Variants in CCDC138 observed in about 807,000 individuals in gnomAD.
CCDC138 encodes coiled-coil domain-containing protein 138.
Under a neutral mutation model 82.3 loss-of-function variants are expected in CCDC138, and 66 were observed. The observed-to-expected ratio is 0.80, with a 90% CI of 0.66 to 0.98. CCDC138 has a LOEUF of 0.98. Ranked by LOEUF, CCDC138 falls within the 50% of genes least tolerant of loss-of-function variation. The pLI is 0.00. For synonymous variants in CCDC138, 297 were observed against 265.4 expected (o/e 1.12, Z -1.16); for missense variants, 816 against 758.9 (o/e 1.08, Z -0.88).
intron 10 of CCDC138, among the ~76,000 whole-genome samples, chr2:108,833,046 T>A (rs2150305916): frequency 6.6e-6 from 1 of 152,338 alleles, no homozygotes; most frequent in East Asian, 1.9e-4. Flanking sequence ...TGATTCCAAC[T>A]ATAATGACAT....
At chr2:108,806,521 T>TC (rs1682903417) in intron 7 of CCDC138, among the ~76,000 whole-genome samples, 2 of 152,200 alleles carry the variant, frequency 1.3e-5, no homozygotes, top group South Asian at 4.1e-4. Flanking sequence ...GCACGCTTTT[T>TC]CTGTTAAGGA....
intron 13 of CCDC138, among the ~76,000 whole-genome samples, chr2:108,865,850 A>T (rs1165972020): frequency 6.6e-6 from 1 of 152,120 alleles, no homozygotes; most frequent in Non-Finnish European, 1.5e-5. Flanking sequence ...CAACACCCCA[A>T]ATTGCCATGA....
At chr2:108,790,850 C>T (rs983852020) in intron 3 of CCDC138, among the ~76,000 whole-genome samples, 2 of 152,146 alleles carry the variant, frequency 1.3e-5, no homozygotes, top group African/African-American at 2.4e-5. Flanking sequence ...CTCCTGGGCT[C>T]AAACGATCCT....
chr2:108,817,443 C>T (rs989052655), intron 10 of CCDC138, among the ~76,000 whole-genome samples: 1 of 152,040 alleles, frequency 6.6e-6, no homozygotes, highest in African/African-American at 2.4e-5. Context: ...CAGGTGTGTG[C>T]CACCACGCCC....
At chr2:108,812,756 T>C in intron 8 of CCDC138, 48 bp downstream of exon 8, 1 of 1,610,242 alleles carries the variant, frequency 6.2e-7, no homozygotes, top group Non-Finnish European at 8.5e-7. Flanking sequence ...TTTTAGATGA[T>C]TACCTTTGAG....
Position 108,786,821 on chromosome 2 carries a change from C to G in CCDC138, c.-2C>G, listed in dbSNP as rs771813971. On this transcript the variant is annotated 5_prime_UTR_variant, in exon 1 of 15. Coordinates refer to ENST00000295124, the MANE Select transcript of CCDC138 (RefSeq NM_144978.3). ...GGGAGACTGGTACGGTTGCTGTGTGCTATGGAGCCGAGGGTCGTCAAGCCA... is the reference window on the plus strand; with the variant it reads ...GGGAGACTGGTACGGTTGCTGTGTGGTATGGAGCCGAGGGTCGTCAAGCCA... 14 of 1,587,542 alleles carry G rather than the reference C, an allele frequency of 8.8e-6. No individual in the cohort carries two copies. In the South Asian group the frequency reaches 1.3e-4, roughly 14 times the overall value.
At chr2:108,861,512 G>A (rs1196300525) in intron 13 of CCDC138, among the ~76,000 whole-genome samples, 1 of 133,272 alleles carries the variant, frequency 7.5e-6, no homozygotes, top group Non-Finnish European at 1.5e-5. Context: ...ATGGAGTCTC[G>A]CTCTGTCACC....
At chr2:108,848,679 G>A (rs1391559158) in intron 12 of CCDC138, among the ~76,000 whole-genome samples, 3 of 152,158 alleles carry the variant, frequency 2.0e-5, no homozygotes, top group Non-Finnish European at 2.9e-5. Flanking sequence ...CAACAAATGC[G>A]ATGATTTATA....
At chr2:108,823,842 TG>T (rs1686113659) in intron 10 of CCDC138, among the ~76,000 whole-genome samples, 2 of 152,156 alleles carry the variant, frequency 1.3e-5, no homozygotes, top group South Asian at 2.1e-4. Context: ...TTGGGCGTGG[TG>T]GCGGGCATCT....
Position 108,876,094 on chromosome 2 carries a change from TAAG to T in CCDC138, c.1843_1845del (p.Lys615del), listed in dbSNP as rs760272674. The T allele has an allele frequency of 1.0e-5, 16 of 1,585,024 alleles. No individual in the cohort carries two copies. The highest frequency in any genetic ancestry group is 1.3e-5 in the Non-Finnish European group (15 of 1,155,212). On this transcript the variant is annotated inframe_deletion, in exon 15 of 15. Coordinates refer to ENST00000295124, the MANE Select transcript of CCDC138 (RefSeq NM_144978.3). ...GTATTCATTTTTTTTACAGGAGTAA[TAAG>T]AAGCTCTTTGAACTTTTTACGATTC...
chr2:108,803,879 C>CTT, intron 6 of CCDC138, among the ~76,000 whole-genome samples: 1 of 152,106 alleles, frequency 6.6e-6, no homozygotes, highest in South Asian at 2.1e-4. Flanking sequence ...TTTTTAGTAT[C>CTT]TTTTAGATAT....
At chr2:108,865,496 GACAAAATAATTACCTC>G (rs1694280542) in intron 13 of CCDC138, among the ~76,000 whole-genome samples, 1 of 152,090 alleles carries the variant, frequency 6.6e-6, no homozygotes, top group African/African-American at 2.4e-5. Flanking sequence ...TTGTGCCATA[GACAAAATAATTACCTC>G]TCTAAGTCTT....
chr2:108,816,336 A>G (rs1684802527), intron 10 of CCDC138, among the ~76,000 whole-genome samples: 1 of 152,144 alleles, frequency 6.6e-6, no homozygotes, highest in Admixed American at 6.5e-5. Flanking sequence ...CTGTAATCTC[A>G]GCTACTTGGG....
chr2:108,814,850 G>A (rs1684490179), intron 9 of CCDC138, among the ~76,000 whole-genome samples: 1 of 151,644 alleles, frequency 6.6e-6, no homozygotes. Flanking sequence ...TGGCTAGGCT[G>A]GTTTCAATCT....
intron 12 of CCDC138, among the ~76,000 whole-genome samples, chr2:108,851,464 G>C (rs955455854): frequency 1.3e-5 from 2 of 152,094 alleles, no homozygotes; most frequent in Non-Finnish European, 2.9e-5. Context: ...ACCATGCCCA[G>C]CTAATTTTTG....
At chr2:108,794,773 C>T in intron 5 of CCDC138, 52 bp downstream of exon 5, 1 of 1,374,264 alleles carries the variant, frequency 7.3e-7, no homozygotes, top group East Asian at 2.4e-5. Flanking sequence ...GTTCTAAGAA[C>T]CAAGCATTTA....
At chr2:108,873,147 T>C (rs1391933076) in intron 13 of CCDC138, among the ~76,000 whole-genome samples, 1 of 152,210 alleles carries the variant, frequency 6.6e-6, no homozygotes. Context: ...ACTGAACTTA[T>C]TGTTACGAAC....
chr2:108,834,394 G>C (rs1688247216), intron 10 of CCDC138, among the ~76,000 whole-genome samples: 1 of 151,818 alleles, frequency 6.6e-6, no homozygotes, highest in South Asian at 2.1e-4. Flanking sequence ...ATTTTTAATA[G>C]AGACAGATGG....
intron 6 of CCDC138, 122 bp downstream of exon 6, chr2:108,798,708 TACACACACACACAC>T (rs34242205): frequency 5.1e-5 from 22 of 429,028 alleles, no homozygotes; most frequent in Admixed American, 1.6e-4. Flanking sequence ...TCTCCACGCC[TACACACACACACAC>T]ACACACACAC....
Sources: allele counts gnomAD v4.1 joint callset (sites outside exome capture counted in the v4.1 genomes callset), GRCh38; gene constraint gnomAD v4.1.1; transcripts MANE v1.5; gene names NCBI Gene and HGNC (gene_info 2026-07-23, HGNC 2026-07-21).